TRIO: variants seen among roughly 807,000 people sequenced by gnomAD.
The protein encoded by TRIO is triple functional domain protein.
A neutral mutation model predicts 351.9 loss-of-function variants in TRIO; 58 were observed. The observed-to-expected ratio is 0.16, with a 90% CI of 0.13 to 0.21. The LOEUF is 0.21. Among genes scored for constraint, TRIO ranks in the 10% least tolerant of loss-of-function variants. The pLI is 1.00. For missense variants in TRIO, 3,201 were observed against 4,027.8 expected (o/e 0.79, Z 5.56); for synonymous variants, 1,758 against 1,595.7 (o/e 1.10, Z -2.42).
At chr5:14,352,680 G>A (rs1294066852) in intron 11 of TRIO, among the ~76,000 whole-genome samples, 2 of 152,116 alleles carry the variant, frequency 1.3e-5, no homozygotes, top group African/African-American at 4.8e-5. Context: ...GAAAAATTCC[G>A]AAGGGGCAAA....
chr5:14,265,521 A>G (rs1795623277), intron 1 of TRIO, among the ~76,000 whole-genome samples: 1 of 152,220 alleles, frequency 6.6e-6, no homozygotes, highest in African/African-American at 2.4e-5. Context: ...AATATGCTAT[A>G]TAAAAGCTTT....
intron 9 of TRIO, among the ~76,000 whole-genome samples, chr5:14,328,353 A>T (rs1740591846): frequency 6.6e-6 from 1 of 152,254 alleles, no homozygotes; most frequent in African/African-American, 2.4e-5. Flanking sequence ...TACGCTTGTT[A>T]AAACAATGCA....
At chr5:14,389,991 T>C (rs1746902929) in intron 25 of TRIO, among the ~76,000 whole-genome samples, 2 of 152,208 alleles carry the variant, frequency 1.3e-5, no homozygotes, top group Admixed American at 1.3e-4. Flanking sequence ...GCCAAATATT[T>C]ACGTCTCCGA....
intron 1 of TRIO, among the ~76,000 whole-genome samples, chr5:14,158,795 C>T (rs1037300510): frequency 6.6e-6 from 1 of 152,166 alleles, no homozygotes; most frequent in African/African-American, 2.4e-5. Flanking sequence ...TGTGCTACTG[C>T]ACTCTAGCCT....
At chr5:14,326,208 A>G (rs1051919192) in intron 9 of TRIO, among the ~76,000 whole-genome samples, 2 of 152,186 alleles carry the variant, frequency 1.3e-5, no homozygotes, top group Non-Finnish European at 2.9e-5. Flanking sequence ...ACACAGCCTT[A>G]GGTCAGGGGC....
At position 14,487,583 on chromosome 5, in the gene TRIO, G is replaced by A. The variant is rs774976248; in HGVS notation, c.6955G>A (p.Gly2319Ser). The A allele has an allele frequency of 4.4e-6, 5 of 1,143,360 alleles. No individual in the cohort carries two copies. The highest frequency in any genetic ancestry group is 4.9e-5 in the Admixed American group (1 of 20,214). 70.8% of individuals were successfully genotyped at this position (1,143,360 alleles called of 1,614,324 possible). Residue 2319 changes from glycine (G) to serine (S), a missense_variant, in exon 48 of 57, where the codon GGC (glycine) becomes AGC (serine). Gly to Ser is a moderately conservative substitution (Grantham distance 56, BLOSUM62 0). Transcript: ENST00000344204. ...GGGGAPSGGS[G>S]HSGGPSSCGG... ...CGGCGGGGCCCCCAGTGGCGGCAGCGGCCACAGTGGCGGCCCCAGCAGCTG... is the reference window on the plus strand; with the variant it reads ...CGGCGGGGCCCCCAGTGGCGGCAGCAGCCACAGTGGCGGCCCCAGCAGCTG...
At chr5:14,445,536 T>C (rs1424023309) in intron 34 of TRIO, among the ~76,000 whole-genome samples, 2 of 152,216 alleles carry the variant, frequency 1.3e-5, no homozygotes, top group Non-Finnish European at 2.9e-5. Flanking sequence ...TCATATCCAT[T>C]GTCCAGTTTC....
Position 14,369,388 on chromosome 5 carries a change from C to T in TRIO, c.3081C>T (p.Leu1027=), listed in dbSNP as rs771239122. ...YKTSEQVCSV[L]ESLEQEYKRE... is the part of the protein sequence containing the mutation. ...CCTGCTCACAGGTCTGCAGCGTCCT[C>T]GAGAGCCTGGAACAGGAGTACAAGA... Residue 1027 remains leucine, a synonymous_variant, in exon 18 of 57, where the codon CTC becomes CTT. Transcript: ENST00000344204. The T allele has an allele frequency of 1.7e-5, 27 of 1,613,090 alleles. No individual in the cohort carries two copies. The highest frequency in any genetic ancestry group is 2.2e-5 in the East Asian group (1 of 44,868).
chr5:14,503,514 G>A (rs1212436129), intron 54 of TRIO, among the ~76,000 whole-genome samples: 1 of 152,238 alleles, frequency 6.6e-6, no homozygotes, highest in Non-Finnish European at 1.5e-5. Context: ...CCCCATGCGT[G>A]TCAGAGGCGT....
At chr5:14,499,471 A>G in intron 53 of TRIO, among the ~76,000 whole-genome samples, 1 of 152,250 alleles carries the variant, frequency 6.6e-6, no homozygotes, top group Non-Finnish European at 1.5e-5. Context: ...GAGGACAAAT[A>G]AAACTCCAAA....
chr5:14,419,156 T>C (rs984739454), intron 33 of TRIO, among the ~76,000 whole-genome samples: 1 of 152,086 alleles, frequency 6.6e-6, no homozygotes, highest in Admixed American at 6.5e-5. Context: ...CTGTGGTGCC[T>C]GCTGCGTGTT....
chr5:14,319,890 G>A (rs1207593101), intron 9 of TRIO, among the ~76,000 whole-genome samples: 1 of 152,142 alleles, frequency 6.6e-6, no homozygotes, highest in Non-Finnish European at 1.5e-5. Context: ...TAATAAGCGG[G>A]GGCCAATTCA....
chr5:14,259,420 C>G (rs528334853), intron 1 of TRIO, among the ~76,000 whole-genome samples: 2 of 152,336 alleles, frequency 1.3e-5, no homozygotes, highest in Admixed American at 1.3e-4. Context: ...TCTCTTTTCT[C>G]TTTGTTTTCT....
chr5:14,267,349 C>T (rs1795743128), intron 1 of TRIO, among the ~76,000 whole-genome samples: 6 of 152,094 alleles, frequency 3.9e-5, no homozygotes, highest in Admixed American at 1.3e-4. Flanking sequence ...CCTATCAGGG[C>T]CTCTGTGCGG....
At chr5:14,480,512 T>A (rs1755432212) in intron 43 of TRIO, among the ~76,000 whole-genome samples, 1 of 152,258 alleles carries the variant, frequency 6.6e-6, no homozygotes, top group African/African-American at 2.4e-5. Context: ...GGAATCCTTT[T>A]GTATTCCTCT....
chr5:14,357,787 G>A (rs998833632), intron 11 of TRIO, among the ~76,000 whole-genome samples: 5 of 152,188 alleles, frequency 3.3e-5, no homozygotes, highest in African/African-American at 1.2e-4. Context: ...TGCTAAGTAA[G>A]AGCCCGAGAC....
intron 8 of TRIO, among the ~76,000 whole-genome samples, chr5:14,312,563 T>C (rs1340147282): frequency 6.6e-6 from 1 of 152,224 alleles, no homozygotes; most frequent in East Asian, 1.9e-4. Flanking sequence ...CAAAAATTAT[T>C]ATAGGAAAGT....
chr5:14,397,667 T>A (rs558448685), intron 29 of TRIO, among the ~76,000 whole-genome samples: 1 of 152,156 alleles, frequency 6.6e-6, no homozygotes, highest in Non-Finnish European at 1.5e-5. Context: ...TTAAGAAAGC[T>A]CTTCCTGTTG....
chr5:14,397,242 C>A, intron 29 of TRIO, 88 bp downstream of exon 29: 1 of 985,728 alleles, frequency 1.0e-6, no homozygotes, highest in South Asian at 1.6e-5. Context: ...TAAAAATCCC[C>A]GCTTTATGTC....
Sources: allele counts gnomAD v4.1 joint callset (sites outside exome capture counted in the v4.1 genomes callset), GRCh38; gene constraint gnomAD v4.1.1; transcripts MANE v1.5; gene names NCBI Gene and HGNC (gene_info 2026-07-23, HGNC 2026-07-21).